GIGYF1: variants seen among roughly 807,000 people sequenced by gnomAD.
GIGYF1 encodes GRB10-interacting GYF protein 1.
Under a neutral mutation model 147.1 loss-of-function variants are expected in GIGYF1, and 84 were observed. The ratio of observed to expected loss-of-function variants is 0.57; its 90% CI spans 0.48 to 0.68. GIGYF1 has a LOEUF of 0.68. Among genes scored for constraint, GIGYF1 ranks in the 30% least tolerant of loss-of-function variants. The pLI is 0.00. For missense variants in GIGYF1, 1,485 were observed against 1,393.7 expected (o/e 1.07, Z -1.04); for synonymous variants, 752 against 589.5 (o/e 1.28, Z -3.99).
intron 25 of GIGYF1, 36 bp from the exon 26 acceptor site, chr7:100,682,029 C>T (rs536912229): frequency 2.5e-6 from 4 of 1,610,464 alleles, no homozygotes; most frequent in Admixed American, 1.7e-5. Flanking sequence ...GGTCAGGAGG[C>T]ACCAGGCAAG....
rs770501317 is a variant in GIGYF1 at position 100,682,446 on chromosome 7, G to C, written c.2637C>G (p.Arg879=). The change falls in exon 24 of 27, where the codon CGC becomes CGG. Residue 879 remains arginine (R), a synonymous_variant. Transcript: ENST00000678049. ...GCTTCTCTTCTTCCTCCGTCTTTTTGCGAATGGGCCGACCCGATAGGTGGC... is the reference window on the plus strand; with the variant it reads ...GCTTCTCTTCTTCCTCCGTCTTTTTCCGAATGGGCCGACCCGATAGGTGGC... ...SYSHLSGRPI[R]KKTEEEEKLL... The C allele has an allele frequency of 1.2e-6, 2 of 1,613,228 alleles. No individual in the cohort carries two copies. The highest frequency in any genetic ancestry group is 1.7e-6 in the Non-Finnish European group (2 of 1,179,998).
Position 100,682,362 on chromosome 7 carries a change from C to T in GIGYF1, c.2721G>A (p.Glu907=). The change falls in exon 24 of 27, where the codon GAG becomes GAA. Residue 907 remains glutamate, a synonymous_variant. Coordinates refer to ENST00000678049, the MANE Select transcript of GIGYF1 (RefSeq NM_001375765.1). The part of the protein sequence containing the change: ...RPQDGFTQWC[E]QMLHTLSATG... ...TGGCGCTCAGCGTGTGCAGCATCTG[C>T]TCGCACCACTGGGTGAAGCCGTCCT... 1 of 1,613,520 alleles carries T rather than the reference C, an allele frequency of 6.2e-7. No individual in the cohort carries two copies. Among genetic ancestry groups the T allele is most frequent in the Non-Finnish European group, 8.5e-7 (1 of 1,179,964 alleles).
chr7:100,690,827 C>T (rs1256190208), intron 1 of GIGYF1, among the ~76,000 whole-genome samples: 1 of 151,780 alleles, frequency 6.6e-6, no homozygotes, highest in African/African-American at 2.4e-5. Context: ...CTCACACTGC[C>T]CCCTGCCAGG....
intron 1 of GIGYF1, among the ~76,000 whole-genome samples, chr7:100,693,695 C>A (rs1225595500): frequency 6.6e-6 from 1 of 151,984 alleles, no homozygotes; most frequent in Non-Finnish European, 1.5e-5. Context: ...CCCCAGGCGG[C>A]CCAGGGCAGG....
Position 100,682,705 on chromosome 7 carries a change from C to A in GIGYF1, c.2485G>T (p.Asp829Tyr). Residue 829 changes from aspartate to tyrosine, a missense_variant, in exon 23 of 27, where the codon GAC becomes TAC. Coordinates refer to ENST00000678049, the MANE Select transcript of GIGYF1 (RefSeq NM_001375765.1). ...CCGCTGCTGCCGCCCCCACTCTTGT[C>A]TGGCCCGCCCCACAGTGGCCCAGCC... The part of the protein sequence containing the change: ...SEAGPLWGGP[D>Y]KSGGGSSGLG... 1.9e-6 allele frequency: 3 copies of A among 1,586,942 alleles called. No homozygotes were observed. Among genetic ancestry groups the A allele is most frequent in the Non-Finnish European group, 2.6e-6 (3 of 1,167,342 alleles).
intron 1 of GIGYF1, among the ~76,000 whole-genome samples, chr7:100,691,587 G>GT (rs1805829156): frequency 6.6e-6 from 1 of 150,578 alleles, no homozygotes; most frequent in African/African-American, 2.5e-5. Context: ...GTCCAATGAA[G>GT]GTAAGAGCAG....
chr7:100,680,208 A>G lies in GIGYF1; in HGVS notation c.*1511T>C, dbSNP rs1804600520. ...AAAAAAAATCCAACAACAGAAAACC[A>G]AACACCATCTTTCTGGGACTAGATG... On this transcript the variant is annotated 3_prime_UTR_variant, in exon 27 of 27. Transcript: ENST00000678049. 1 of 151,420 alleles carries G rather than the reference A, an allele frequency of 6.6e-6. No homozygotes were observed. The highest frequency in any genetic ancestry group is 1.5e-5 in the Non-Finnish European group (1 of 67,832). The allele number at this position is 151,420 out of a possible 1,614,324, so 9.4% of individuals were successfully genotyped here.
chr7:100,683,367 G>A lies in GIGYF1; in HGVS notation c.2130C>T (p.Arg710=), dbSNP rs903516169. 6 of 1,613,536 alleles carry A rather than the reference G, an allele frequency of 3.7e-6. No individual in the cohort carries two copies. The East Asian group carries it at 6.7e-5, about 18-fold the overall frequency. The change falls in exon 21 of 27, where the codon CGC becomes CGT. Residue 710 remains arginine, a synonymous_variant. Coordinates refer to ENST00000678049, the MANE Select transcript of GIGYF1 (RefSeq NM_001375765.1). ...EERKRREEKR[R]QQQQEEQKRR... ...GCTTCTGCTCCTCCTGCTGCTGCTG[G>A]CGGCGCTTCTCCTCTCGACGCTTGC...
At chr7:100,682,815 G>T in intron 22 of GIGYF1, 38 bp from the exon 23 acceptor site, 1 of 1,507,374 alleles carries the variant, frequency 6.6e-7, no homozygotes, top group South Asian at 1.3e-5. Context: ...TCAAACAAAG[G>T]CACCCCAGAA....
rs1471023566 is a variant in GIGYF1, at chr7:100,684,783, G to A, written c.1402C>T (p.Pro468Ser). ...LRHSAAATAL[P>S]LSHGAARKWF... Reference sequence around the variant, plus strand: ...TTCCGGGCAGCCCCATGGCTGAGCGGGAGGGCAGTGGCGGCTGCAGAGTGG... The same window carrying A: ...TTCCGGGCAGCCCCATGGCTGAGCGAGAGGGCAGTGGCGGCTGCAGAGTGG... The change falls in exon 15 of 27, where the codon CCG (proline) becomes TCG (serine). Residue 468 changes from proline to serine, a missense_variant. Pro to Ser is a moderately conservative substitution (Grantham distance 74). Transcript: ENST00000678049. 1 of 1,612,066 alleles carries A rather than the reference G, an allele frequency of 6.2e-7. No individual in the cohort carries two copies. Among genetic ancestry groups the A allele is most frequent in the African/African-American group, 1.3e-5 (1 of 75,018 alleles).
rs1562869745 is a variant in GIGYF1 at position 100,682,591 on chromosome 7, T to C, written c.2599A>G (p.Ser867Gly). The change falls in exon 23 of 27, where the codon AGT becomes GGT. Residue 867 changes from serine (S) to glycine (G), a missense_variant and splice_region_variant. By Grantham distance (56) the Ser-to-Gly change is moderately conservative. Coordinates refer to ENST00000678049, the MANE Select transcript of GIGYF1 (RefSeq NM_001375765.1). ...LKNSRSSPSL[S>G]DSYSHLSGRP... ...GGAGCCTCCAGGTGCCACGCCCACC[T>C]GAGAGATGGGCTGCTCCGGCTGTTC... 1.3e-6 allele frequency: 2 copies of C among 1,595,986 alleles called. No homozygotes were observed. Among genetic ancestry groups the C allele is most frequent in the South Asian group, 1.1e-5 (1 of 89,526 alleles).
intron 22 of GIGYF1, 52 bp from the exon 23 acceptor site, chr7:100,682,829 C>T (rs1804918235): frequency 3.4e-6 from 5 of 1,489,078 alleles, no homozygotes; most frequent in African/African-American, 1.4e-5. Flanking sequence ...CCCAGAAAAG[C>T]GGATGGGGAG....
rs116169359 is a variant in GIGYF1 at position 100,681,779 on chromosome 7, C to T, written c.3056-8G>A. The stretch of plus-strand genomic sequence containing the variant: ...ATCCGTGCAGGGAGTACCCTGAAGC[C>T]GGGGAGAAGCTGCGTCTGAGCTCTC... On this transcript the variant is annotated splice_region_variant and splice_polypyrimidine_tract_variant and intron_variant, in intron 26 of 26. Transcript: ENST00000678049. 14 of 1,589,652 alleles carry T rather than the reference C, an allele frequency of 8.8e-6. No homozygotes were observed. The highest frequency in any genetic ancestry group is 6.9e-5 in the Admixed American group (4 of 57,596).
rs776098343 is a variant in GIGYF1 at position 100,686,663 on chromosome 7, C to G, written c.680G>C (p.Arg227Pro). 2 of 1,611,526 alleles carry G rather than the reference C, an allele frequency of 1.2e-6. No individual in the cohort carries two copies. Among genetic ancestry groups the G allele is most frequent in the Admixed American group, 1.7e-5 (1 of 59,856 alleles). ...CCCAATCTCACCAGGGCTGGCGGAG[C>G]GCCAGCGGTCGCCGTCTCGCCGGGG... ...AGPRRDGDRW[R>P]SASPDGGPRS... is the part of the protein sequence containing the mutation. The change falls in exon 10 of 27, where the codon CGC becomes CCC. Residue 227 changes from arginine (R) to proline (P), a missense_variant. Coordinates refer to ENST00000678049, the MANE Select transcript of GIGYF1 (RefSeq NM_001375765.1).
chr7:100,692,789 A>G (rs1262807529), intron 1 of GIGYF1, among the ~76,000 whole-genome samples: 1 of 152,118 alleles, frequency 6.6e-6, no homozygotes, highest in Non-Finnish European at 1.5e-5. Flanking sequence ...CTACCCTCAA[A>G]TCCTTCCCAA....
In GIGYF1 at chr7:100,688,233, T is replaced by G. The variant is rs1805563256; in HGVS notation, c.6A>C (p.Ala2=). M[A]AETLNFGPEW... is the part of the protein sequence containing the mutation. ...CAGGCCCAAAGTTGAGTGTCTCTGC[T>G]GCCATCGTGGGGCTGGGCGTGTTTG... Residue 2 remains alanine (A), a synonymous_variant, in exon 4 of 27, where the codon GCA becomes GCC. Transcript: ENST00000678049. 1 of 1,519,118 alleles carries G rather than the reference T, an allele frequency of 6.6e-7. No individual in the cohort carries two copies. Among genetic ancestry groups the G allele is most frequent in the African/African-American group, 1.4e-5 (1 of 71,526 alleles). 94.1% of individuals were successfully genotyped at this position (1,519,118 alleles called of 1,614,324 possible).
At chr7:100,688,162 C>T (rs1805557901) in intron 4 of GIGYF1, 42 bp downstream of exon 4, 1 of 1,609,452 alleles carries the variant, frequency 6.2e-7, no homozygotes. Context: ...CCTGACTGTG[C>T]TTTCTCGAAT....
Position 100,682,310 on chromosome 7 carries a change from C to G in GIGYF1, c.2761+12G>C. ...CCAGGTCCCGCCCACCTCCTGGGAGCCGCTCGCCCACCGTCCAGGCTGCCC... is the reference window on the plus strand; with the variant it reads ...CCAGGTCCCGCCCACCTCCTGGGAGGCGCTCGCCCACCGTCCAGGCTGCCC... On this transcript the variant is annotated intron_variant, in intron 24 of 26. Coordinates refer to ENST00000678049, the MANE Select transcript of GIGYF1 (RefSeq NM_001375765.1). The G allele has an allele frequency of 6.2e-7, 1 of 1,610,052 alleles. No individual in the cohort carries two copies. The highest frequency in any genetic ancestry group is 8.5e-7 in the Non-Finnish European group (1 of 1,179,204).
Position 100,684,177 on chromosome 7 carries a change from G to A in GIGYF1, c.1731-20C>T, listed in dbSNP as rs368842572. 3 of 1,609,068 alleles carry A rather than the reference G, an allele frequency of 1.9e-6. No homozygotes were observed. The highest frequency in any genetic ancestry group is 2.7e-5 in the African/African-American group (2 of 74,904). On this transcript the variant is annotated intron_variant, in intron 17 of 26. Coordinates refer to ENST00000678049, the MANE Select transcript of GIGYF1 (RefSeq NM_001375765.1). ...TGGCGGCTGCAAATGGGACAGTGGA[G>A]ATGGTGGGCCACAGAGCCAGCGCCG...
Sources: allele counts gnomAD v4.1 joint callset (sites outside exome capture counted in the v4.1 genomes callset), GRCh38; gene constraint gnomAD v4.1.1; transcripts MANE v1.5; gene names NCBI Gene and HGNC (gene_info 2026-07-23, HGNC 2026-07-21).